The following FOXRED2 variants were observed in gnomAD, a reference collection of about 807,000 sequenced individuals.
The protein encoded by FOXRED2 is FAD-dependent oxidoreductase domain-containing protein 2.
In FOXRED2, 32 loss-of-function variants were observed where a neutral mutation model predicts 52.5. The ratio of observed to expected loss-of-function variants is 0.61; its 90% CI spans 0.46 to 0.82. The LOEUF (loss-of-function observed/expected upper bound fraction) is 0.82. Among genes scored for constraint, FOXRED2 ranks in the 40% least tolerant of loss-of-function variants. FOXRED2 has a pLI of 0.00. For synonymous variants in FOXRED2, 405 were observed against 398.1 expected, an observed-to-expected ratio of 1.02 and a Z score of -0.21; for missense variants, 848 against 937.5, an observed-to-expected ratio of 0.90 and a Z score of 1.25.
intron 4 of FOXRED2, 119 bp from the exon 5 acceptor site, chr22:36,501,526 T>A: frequency 1.0e-6 from 1 of 968,610 alleles, no homozygotes; most frequent in Non-Finnish European, 1.5e-6. Flanking sequence ...AATGGCGTGA[T>A]CTCGGCTCAC....
At chr22:36,500,583 A>ATTT (rs5845272) in intron 5 of FOXRED2, among the ~76,000 whole-genome samples, 27 of 136,740 alleles carry the variant, frequency 2.0e-4, no homozygotes, top group Non-Finnish European at 3.3e-4. Flanking sequence ...ATCCAATTAC[A>ATTT]TTTTTTTTTT....
intron 7 of FOXRED2, among the ~76,000 whole-genome samples, chr22:36,494,394 G>A (rs1261266076): frequency 6.6e-6 from 1 of 152,184 alleles, no homozygotes; most frequent in East Asian, 1.9e-4. Context: ...CCAAAGTGCT[G>A]GGATTACAGG....
In FOXRED2 at chr22:36,506,314, C is replaced by T. The variant is rs1934196890; in HGVS notation, c.109G>A (p.Gly37Ser). ...VPPRRDYCVL[G>S]AGPAGLQMAY... Reference sequence around the variant, plus strand: ...ATCTGCAGGCCCGCGGGCCCAGCGCCCAGCACGCAGTAGTCCCGGCGCGGG... The same window carrying T: ...ATCTGCAGGCCCGCGGGCCCAGCGCTCAGCACGCAGTAGTCCCGGCGCGGG... Residue 37 changes from glycine to serine, a missense_variant, in exon 2 of 9, where the codon GGC becomes AGC. By Grantham distance (56) the Gly-to-Ser change is moderately conservative. Transcript: ENST00000397224. 1.7e-5 allele frequency: 26 copies of T among 1,549,320 alleles called. No homozygotes were observed. The highest frequency in any genetic ancestry group is 2.2e-5 in the Non-Finnish European group (25 of 1,151,236).
chr22:36,501,645 G>A (rs1230385515), intron 4 of FOXRED2, among the ~76,000 whole-genome samples: 1 of 151,984 alleles, frequency 6.6e-6, no homozygotes, highest in African/African-American at 2.4e-5. Context: ...ATTTTTAGTA[G>A]AGACCAGGTT....
intron 5 of FOXRED2, among the ~76,000 whole-genome samples, chr22:36,500,965 C>G (rs1934027454): frequency 6.6e-6 from 1 of 152,108 alleles, no homozygotes; most frequent in African/African-American, 2.4e-5. Context: ...TCATGGCTCA[C>G]TGCAACCTTG....
At chr22:36,499,483 G>C (rs542871196) in intron 5 of FOXRED2, among the ~76,000 whole-genome samples, 2 of 152,018 alleles carry the variant, frequency 1.3e-5, no homozygotes, top group Non-Finnish European at 2.9e-5. Flanking sequence ...AAAATTAGCT[G>C]GGTGTGGTGG....
chr22:36,500,490 T>A (rs906395607), intron 5 of FOXRED2, among the ~76,000 whole-genome samples: 1 of 152,256 alleles, frequency 6.6e-6, no homozygotes, highest in Non-Finnish European at 1.5e-5. Context: ...AAAAGATATT[T>A]TAGTATTTTC....
Position 36,501,367 on chromosome 22 carries a change from ACTT to A in FOXRED2, c.1087_1089del (p.Lys363del), listed in dbSNP as rs1934039809. 1.2e-6 allele frequency: 2 copies of A among 1,614,026 alleles called. No individual in the cohort carries two copies. The highest frequency in any genetic ancestry group is 1.7e-5 in the Admixed American group (1 of 59,982). ...TCGTAGCTAGCTCGAATCAGCGGGT[ACTT>A]CTTGCCGAATGCATTTCCCGAGTTA... is the stretch of plus-strand genomic sequence containing the variant. On this transcript the variant is annotated inframe_deletion, in exon 5 of 9. Transcript: ENST00000397224.
chr22:36,493,103 C>A (rs1192230252), intron 8 of FOXRED2, among the ~76,000 whole-genome samples: 1 of 152,212 alleles, frequency 6.6e-6, no homozygotes, highest in African/African-American at 2.4e-5. Flanking sequence ...CCATACCTGG[C>A]CCTGGCGCCT....
intron 2 of FOXRED2, 75 bp downstream of exon 2, chr22:36,505,809 CCTCCCATACCTA>C: frequency 7.4e-7 from 1 of 1,357,950 alleles, no homozygotes; most frequent in Non-Finnish European, 1.0e-6. Flanking sequence ...TTCGTCCATT[CCTCCCATACCTA>C]CTGGCCAATC....
At chr22:36,495,051 A>G (rs1205437203) in intron 7 of FOXRED2, among the ~76,000 whole-genome samples, 1 of 152,104 alleles carries the variant, frequency 6.6e-6, no homozygotes, top group Non-Finnish European at 1.5e-5. Context: ...TCCCGGTTCA[A>G]GCAATTCTCC....
intron 7 of FOXRED2, among the ~76,000 whole-genome samples, chr22:36,494,748 T>TC (rs1430447177): frequency 6.7e-6 from 1 of 149,746 alleles, no homozygotes; most frequent in Non-Finnish European, 1.5e-5. Context: ...CAAGCGATTC[T>TC]CCTGCCTCAG....
intron 5 of FOXRED2, among the ~76,000 whole-genome samples, chr22:36,499,261 T>C (rs144494003): frequency 6.6e-6 from 1 of 152,248 alleles, no homozygotes; most frequent in African/African-American, 2.4e-5. Flanking sequence ...ATATAAATAT[T>C]GAATGTCTTT....
intron 6 of FOXRED2, among the ~76,000 whole-genome samples, chr22:36,497,106 G>A (rs762429264): frequency 2.0e-5 from 3 of 152,128 alleles, no homozygotes; most frequent in Non-Finnish European, 4.4e-5. Flanking sequence ...CTTGAACCTG[G>A]GAGGTGGGCT....
rs1275955417 is a variant in FOXRED2 at position 36,489,692 on chromosome 22, C to G, written c.*316G>C. 2 of 269,630 alleles carry G rather than the reference C, an allele frequency of 7.4e-6. No homozygotes were observed. The highest frequency in any genetic ancestry group is 4.4e-5 in the African/African-American group (2 of 45,408). The allele number at this position is 269,630 out of a possible 1,614,324, so 16.7% of individuals were successfully genotyped here. On this transcript the variant is annotated 3_prime_UTR_variant, in exon 9 of 9. Coordinates refer to ENST00000397224, the MANE Select transcript of FOXRED2 (RefSeq NM_001102371.2). ...AGGAGGGGCTTGGAAGGAAGAGGAG[C>G]ACTTGAGACGGGGCAGAACTGGGCT...
Position 36,489,427 on chromosome 22 carries a change from G to A in FOXRED2, c.*581C>T, listed in dbSNP as rs551570137. ...CCAAACCCTGCTGAAAATGGGGCGG[G>A]GAGGTTGAGGCAGTGTGTGGCAAGT... On this transcript the variant is annotated 3_prime_UTR_variant, in exon 9 of 9. Coordinates refer to ENST00000397224, the MANE Select transcript of FOXRED2 (RefSeq NM_001102371.2). The A allele has an allele frequency of 2.0e-5, 3 of 152,386 alleles. No homozygotes were observed. The highest frequency in any genetic ancestry group is 6.5e-5 in the Admixed American group (1 of 15,302). The allele number at this position is 152,386 out of a possible 1,614,324, so 9.4% of individuals were successfully genotyped here.
chr22:36,501,469 G>A, intron 4 of FOXRED2, 62 bp from the exon 5 acceptor site: 3 of 1,548,402 alleles, frequency 1.9e-6, no homozygotes, highest in Non-Finnish European at 2.7e-6. Flanking sequence ...TATTTATTTA[G>A]TTAGTTTTGA....
At chr22:36,501,089 A>G (rs1934029748) in intron 5 of FOXRED2, 152 bp downstream of exon 5, 1 of 810,812 alleles carries the variant, frequency 1.2e-6, no homozygotes, top group East Asian at 2.5e-5. Context: ...AGACCACAAA[A>G]ACCTGTTGTC....
At chr22:36,496,384 G>T (rs1209702437) in intron 6 of FOXRED2, among the ~76,000 whole-genome samples, 176 bp from the exon 7 acceptor site, 3 of 152,228 alleles carry the variant, frequency 2.0e-5, no homozygotes, top group Non-Finnish European at 4.4e-5. Flanking sequence ...CACATGTGGG[G>T]TAGAGACCAG....
Sources: gnomAD v4.1 joint callset for allele counts (sites outside exome capture counted in the v4.1 genomes callset) on GRCh38, gnomAD v4.1.1 for gene constraint, MANE v1.5 for transcripts, NCBI Gene and HGNC (gene_info 2026-07-23, HGNC 2026-07-21) for gene names.